Variants in SLC25A29 observed in about 807,000 individuals in gnomAD.
SLC25A29 encodes mitochondrial basic amino acids transporter.
In SLC25A29, 13 loss-of-function variants were observed where a neutral mutation model predicts 10.0. The observed-to-expected ratio is 1.30, with a 90% CI of 0.85 to 2.07. The LOEUF (loss-of-function observed/expected upper bound fraction) is 2.07, where lower values mean the gene tolerates loss of function less well. SLC25A29 is among the 30% of genes most tolerant of loss of function. SLC25A29 has a pLI of 0.00. For synonymous variants in SLC25A29, 244 were observed against 221.1 expected, an observed-to-expected ratio of 1.10 and a Z score of -0.92; for missense variants, 475 against 447.6, an observed-to-expected ratio of 1.06 and a Z score of -0.55.
the SLC25A29 span, chr14:100,282,089 A>T: frequency 2.6e-5 from 4 of 152,162 alleles, no homozygotes; most frequent in African/African-American, 9.7e-5. Flanking sequence ...ACCTCCCACA[A>T]ACTGGGTGCC....
Position 100,292,887 on chromosome 14 carries a change from C to T in SLC25A29, c.308G>A (p.Gly103Asp), listed in dbSNP as rs776624061. The T allele has an allele frequency of 3.1e-6, 5 of 1,603,626 alleles. No homozygotes were observed. The highest frequency in any genetic ancestry group is 4.2e-6 in the Non-Finnish European group (5 of 1,176,676). The stretch of plus-strand genomic sequence containing the variant: ...GCAGCAGATGACGCACTGGATGGCG[C>T]CCGCCGCCGCACCTGCCAGGAACTG... ...LNQFLAGAAA[G>D]AIQCVICCPM... is the part of the protein sequence containing the mutation. The change falls in exon 4 of 4, where the codon GGC becomes GAC. Residue 103 changes from glycine (G) to aspartate (D), a missense_variant. By Grantham distance (94) the Gly-to-Asp change is moderately conservative. Transcript: ENST00000359232.
downstream of SLC25A29, among the ~76,000 whole-genome samples, chr14:100,288,381 T>TTA (rs1566788493): frequency 4.8e-4 from 3 of 6,280 alleles, no homozygotes; most frequent in Non-Finnish European, 1.6e-3. Context: ...AAACTCTATC[T>TTA]CAAAAAAAAA....
rs781083419 is a variant in SLC25A29 at position 100,293,343 on chromosome 14, T to C, written c.113A>G (p.Gln38Arg). ...GAAGCAGTGCAACGTCCCGCGGTAC[T>C]GAGGCTTCTCCACGCTCTGGACCTG... ...RLQVQSVEKP[Q>R]YRGTLHCFKS... The change falls in exon 3 of 4, where the codon CAG becomes CGG. Residue 38 changes from glutamine (Q) to arginine (R), a missense_variant. Physicochemically the swap from Gln to Arg is conservative, Grantham distance 43. Coordinates refer to ENST00000359232, the MANE Select transcript of SLC25A29 (RefSeq NM_001039355.3). The C allele has an allele frequency of 2.5e-6, 4 of 1,613,248 alleles. No individual in the cohort carries two copies. The highest frequency in any genetic ancestry group is 2.5e-6 in the Non-Finnish European group (3 of 1,180,000).
At position 100,305,859 on chromosome 14, in the gene SLC25A29, G is replaced by T. The variant is rs927933171; in HGVS notation, c.34+340C>A. 8 of 284,600 alleles carry T rather than the reference G, an allele frequency of 2.8e-5. No individual in the cohort carries two copies. The Admixed American group carries it at 3.7e-4, about 13-fold the overall frequency. The allele number at this position is 284,600 out of a possible 1,614,324, so 17.6% of individuals were successfully genotyped here. A position where few individuals can be genotyped will look rare whatever the true frequency, so the allele number is the denominator to read the frequency against. ...CTCCCAGTGCGCAACGGATGGGGAT[G>T]GGGGAGGGGAAGGAGATGAGCCCGG... is the stretch of plus-strand genomic sequence containing the variant. On this transcript the variant is annotated intron_variant, in intron 1 of 3. Transcript: ENST00000359232.
downstream of SLC25A29, among the ~76,000 whole-genome samples, chr14:100,287,825 A>G (rs938430448): frequency 6.6e-6 from 1 of 152,126 alleles, no homozygotes; most frequent in Admixed American, 6.5e-5. Flanking sequence ...TCAGCTCTGC[A>G]TGGCGGCTGG....
In SLC25A29 at chr14:100,293,031, A is replaced by C; in HGVS notation, c.164T>G (p.Val55Gly). ...CFKSIIKQES[V>G]LGLYKGLGSP... The stretch of plus-strand genomic sequence containing the variant: ...GCCCAGGCCCTTGTACAGGCCCAGC[A>C]CCTGCGGGGACAGAGACGCCATCAG... The change falls in exon 4 of 4, where the codon GTG (valine) becomes GGG (glycine). Residue 55 changes from valine (V) to glycine (G), a missense_variant and splice_region_variant. Coordinates refer to ENST00000359232, the MANE Select transcript of SLC25A29 (RefSeq NM_001039355.3). 6.5e-7 allele frequency: 1 copy of C among 1,533,474 alleles called. No individual in the cohort carries two copies. The highest frequency in any genetic ancestry group is 8.7e-7 in the Non-Finnish European group (1 of 1,143,636). The allele number at this position is 1,533,474 out of a possible 1,614,324, so 95.0% of individuals were successfully genotyped here.
chr14:100,278,833 G>A, the SLC25A29 span: 2 of 152,258 alleles, frequency 1.3e-5, no homozygotes, highest in Non-Finnish European at 2.9e-5. Flanking sequence ...CTGGCAGTGG[G>A]GCACACAGAG....
At position 100,293,597 on chromosome 14, in the gene SLC25A29, CAGGGT is replaced by C. The variant is rs2139685222; in HGVS notation, c.79-225_79-221del. ...AGCTAAAGGGACAGGCTGCTGGAGA[CAGGGT>C]AGGGGGTCCCCAAGATCTCAGACCA... On this transcript the variant is annotated intron_variant, in intron 2 of 3. Transcript: ENST00000359232. 1.0e-5 allele frequency: 6 copies of C among 574,920 alleles called. No homozygotes were observed. The South Asian group carries it at 1.2e-4, about 12-fold the overall frequency. The allele number at this position is 574,920 out of a possible 1,614,324, so 35.6% of individuals were successfully genotyped here.
downstream of SLC25A29, among the ~76,000 whole-genome samples, chr14:100,290,791 T>C (rs975972573): frequency 6.6e-6 from 1 of 152,204 alleles, no homozygotes; most frequent in African/African-American, 2.4e-5. Flanking sequence ...TCCAGGAAGC[T>C]GTTTTTGGGA....
downstream of SLC25A29, among the ~76,000 whole-genome samples, chr14:100,286,470 T>TGGGGG (rs397961103): frequency 1.2e-5 from 1 of 80,406 alleles, no homozygotes; most frequent in African/African-American, 5.6e-5. Flanking sequence ...AGAGCATGGC[T>TGGGGG]GGGGGGGGGG....
At chr14:100,299,165 T>TCTGGGTGG in intron 1 of SLC25A29, 2 of 1,330,620 alleles carry the variant, frequency 1.5e-6, no homozygotes, top group Non-Finnish European at 1.9e-6. Flanking sequence ...GGCTGACTGG[T>TCTGGGTGG]CTGGGTGGCT....
downstream of SLC25A29, among the ~76,000 whole-genome samples, chr14:100,287,636 C>CCCA (rs1555371745): frequency 9.1e-6 from 1 of 110,030 alleles, no homozygotes; most frequent in African/African-American, 3.3e-5. Flanking sequence ...CCACCCCCCC[C>CCCA]CTCCGAATTC....
At chr14:100,279,607 G>A in the SLC25A29 span, 1 of 152,264 alleles carries the variant, frequency 6.6e-6, no homozygotes, top group Non-Finnish European at 1.5e-5. Context: ...CATGGTGGAG[G>A]TCTTCAGTGC....
chr14:100,288,749 T>G (rs1891597932), downstream of SLC25A29, among the ~76,000 whole-genome samples: 1 of 152,026 alleles, frequency 6.6e-6, no homozygotes, highest in African/African-American at 2.4e-5. Context: ...GAAAAGCAAA[T>G]CAAGCAAAGT....
intron 1 of SLC25A29, 140 bp downstream of exon 1, chr14:100,306,059 G>C: frequency 1.8e-6 from 1 of 546,652 alleles, no homozygotes; most frequent in South Asian, 3.6e-5. Context: ...AGACCCGCCC[G>C]AGGCAAGAGA....
intron 2 of SLC25A29, chr14:100,294,220 AAG>A (rs1891986263): frequency 6.6e-6 from 1 of 152,268 alleles, no homozygotes; most frequent in African/African-American, 2.4e-5. Context: ...GAGTGGTGGC[AAG>A]AGAACAGCCA....
chr14:100,285,785 C>T, the SLC25A29 span, among the ~76,000 whole-genome samples: 1 of 152,094 alleles, frequency 6.6e-6, no homozygotes, highest in Non-Finnish European at 1.5e-5. Flanking sequence ...CCAGGGGGCC[C>T]CAGCTAAGCA....
rs1891726935 is a variant in SLC25A29, at chr14:100,291,954, C to T, written c.*329G>A. ...AGGAGCACAATGACGTGGCCAGGAT[C>T]CCAGAAAGGGGCTGGAGTGTCTGCC... On this transcript the variant is annotated 3_prime_UTR_variant, in exon 4 of 4. Coordinates refer to ENST00000359232, the MANE Select transcript of SLC25A29 (RefSeq NM_001039355.3). 2.8e-6 allele frequency: 1 copy of T among 363,308 alleles called. No homozygotes were observed. Among genetic ancestry groups the T allele is most frequent in the African/African-American group, 2.2e-5 (1 of 44,734 alleles). 22.5% of individuals were successfully genotyped at this position (363,308 alleles called of 1,614,324 possible).
chr14:100,292,768 C>G lies in SLC25A29; in HGVS notation c.427G>C (p.Gly143Arg). The G allele has an allele frequency of 1.2e-6, 2 of 1,600,074 alleles. No individual in the cohort carries two copies. Among genetic ancestry groups the G allele is most frequent in the Non-Finnish European group, 1.7e-6 (2 of 1,174,870 alleles). Reference sequence around the variant, plus strand: ...TTGACGCCACGCAGACCCTCGTGCCCGTAGATCTGCGCGAGGCAGTCCAGC... The same window carrying G: ...TTGACGCCACGCAGACCCTCGTGCCGGTAGATCTGCGCGAGGCAGTCCAGC... ...GSLDCLAQIY[G>R]HEGLRGVNRG... Residue 143 changes from glycine (G) to arginine (R), a missense_variant, in exon 4 of 4, where the codon GGG becomes CGG. Gly to Arg is a moderately radical substitution (Grantham distance 125). Coordinates refer to ENST00000359232, the MANE Select transcript of SLC25A29 (RefSeq NM_001039355.3).
Sources: gnomAD v4.1 joint callset for allele counts (sites outside exome capture counted in the v4.1 genomes callset) on GRCh38, gnomAD v4.1.1 for gene constraint, MANE v1.5 for transcripts, NCBI Gene and HGNC (gene_info 2026-07-23, HGNC 2026-07-21) for gene names.